The following THAP1 variants were observed in gnomAD, a reference collection of about 807,000 sequenced individuals.
THAP1 encodes the protein THAP domain-containing protein 1.
In THAP1, 6 loss-of-function variants were observed where a neutral mutation model predicts 18.2. The observed-to-expected ratio is 0.33, with a 90% CI of 0.18 to 0.65. The LOEUF (loss-of-function observed/expected upper bound fraction) is 0.65, where lower values mean the gene tolerates loss of function less well. Ranked by LOEUF, THAP1 falls within the 30% of genes least tolerant of loss-of-function variation. The pLI is 0.74. For missense variants in THAP1, 176 were observed against 253.0 expected (o/e 0.70, Z 2.06); for synonymous variants, 85 against 90.5 (o/e 0.94, Z 0.34).
At chr8:42,839,509 T>A (rs1802676955) in intron 1 of THAP1, 128 bp from the exon 2 acceptor site, 3 of 974,158 alleles carry the variant, frequency 3.1e-6, no homozygotes, top group South Asian at 1.6e-5. Flanking sequence ...TCCTATTGGA[T>A]TAAAGATTAG....
chr8:42,839,495 A>G, intron 1 of THAP1, 114 bp from the exon 2 acceptor site: 1 of 1,067,890 alleles, frequency 9.4e-7, no homozygotes, highest in Non-Finnish European at 1.4e-6. Context: ...TTACAATTGT[A>G]TTATCCTATT....
chr8:42,837,835 T>A lies in THAP1; in HGVS notation c.*127A>T, dbSNP rs369328057. ...TTTACAGTATATATAGAATTTTTTT[T>A]AAAAAAATATTCTGAACTGTTTTTA... is the stretch of plus-strand genomic sequence containing the variant. On this transcript the variant is annotated 3_prime_UTR_variant, in exon 3 of 3. Transcript: ENST00000254250. The A allele has an allele frequency of 1.3e-3, 1,390 of 1,058,268 alleles. 3 individuals are homozygous for A. Among genetic ancestry groups the A allele is most frequent in the Middle Eastern group, 3.2e-3 (10 of 3,164 alleles). The allele number at this position is 1,058,268 out of a possible 1,614,324, so 65.6% of individuals were successfully genotyped here.
Position 42,837,875 on chromosome 8 carries a change from T to A in THAP1, c.*87A>T. On this transcript the variant is annotated 3_prime_UTR_variant, in exon 3 of 3. Transcript: ENST00000254250. Reference sequence around the variant, plus strand: ...AACTGTTTTTATATAAGTAATCAAATGTTATTTTTTTAAATGAAACTCCTT... The same window carrying A: ...AACTGTTTTTATATAAGTAATCAAAAGTTATTTTTTTAAATGAAACTCCTT... The A allele has an allele frequency of 7.0e-7, 1 of 1,436,584 alleles. No homozygotes were observed. The highest frequency in any genetic ancestry group is 1.3e-5 in the South Asian group (1 of 76,956). The allele number at this position is 1,436,584 out of a possible 1,614,324, so 89.0% of individuals were successfully genotyped here.
intron 1 of THAP1, among the ~76,000 whole-genome samples, chr8:42,841,877 CTA>C (rs1201471591): frequency 1.3e-5 from 2 of 151,972 alleles, no homozygotes; most frequent in South Asian, 2.1e-4. Context: ...GGAGACCTCT[CTA>C]TGTTCTACAC....
intron 1 of THAP1, among the ~76,000 whole-genome samples, chr8:42,840,959 C>A (rs976234933): frequency 7.3e-6 from 1 of 137,824 alleles, no homozygotes; most frequent in Non-Finnish European, 1.5e-5. Flanking sequence ...GAGCAAGACT[C>A]CATCTCAAAA....
chr8:42,837,254 G>T lies in THAP1; in HGVS notation c.*708C>A, dbSNP rs1372781609. ...TGCCTTACTTTATTTATTGAAAAATGTTTCTTCCACTGAAAATACACTTCT... is the reference window on the plus strand; with the variant it reads ...TGCCTTACTTTATTTATTGAAAAATTTTTCTTCCACTGAAAATACACTTCT... On this transcript the variant is annotated 3_prime_UTR_variant, in exon 3 of 3. Coordinates refer to ENST00000254250, the MANE Select transcript of THAP1 (RefSeq NM_018105.3). 1.3e-5 allele frequency: 2 copies of T among 151,684 alleles called. No homozygotes were observed. Among genetic ancestry groups the T allele is most frequent in the East Asian group, 3.9e-4 (2 of 5,180 alleles). The allele number at this position is 151,684 out of a possible 1,614,324, so 9.4% of individuals were successfully genotyped here.
Position 42,843,322 on chromosome 8 carries a change from C to T in THAP1, c.-228G>A. On this transcript the variant is annotated 5_prime_UTR_variant, in exon 1 of 3. Coordinates refer to ENST00000254250, the MANE Select transcript of THAP1 (RefSeq NM_018105.3). ...CCCATCTCCAAGATGGCGGAGGCAG[C>T]TTCAACCTCACCTCTCGCGAGGGGT... The T allele has an allele frequency of 1.7e-6, 1 of 602,546 alleles. No individual in the cohort carries two copies. The highest frequency in any genetic ancestry group is 3.0e-6 in the Non-Finnish European group (1 of 330,374). The allele number at this position is 602,546 out of a possible 1,614,324, so 37.3% of individuals were successfully genotyped here.
At chr8:42,840,231 G>A (rs1426757902) in intron 1 of THAP1, among the ~76,000 whole-genome samples, 2 of 152,154 alleles carry the variant, frequency 1.3e-5, no homozygotes, top group East Asian at 3.8e-4. Flanking sequence ...TTTTTTACCA[G>A]TAATTTTCTG....
In THAP1 at chr8:42,837,695, A is replaced by C. The variant is rs1420861050; in HGVS notation, c.*267T>G. On this transcript the variant is annotated 3_prime_UTR_variant, in exon 3 of 3. Coordinates refer to ENST00000254250, the MANE Select transcript of THAP1 (RefSeq NM_018105.3). The stretch of plus-strand genomic sequence containing the variant: ...TCTATAAATACTAAAAAAAAACCCC[A>C]AAATCCCCAATCTTGAAACCAACTT... 2 of 235,286 alleles carry C rather than the reference A, an allele frequency of 8.5e-6. No individual in the cohort carries two copies. Among genetic ancestry groups the C allele is most frequent in the East Asian group, 1.8e-4 (2 of 11,122 alleles). 14.6% of individuals were successfully genotyped at this position (235,286 alleles called of 1,614,324 possible).
In THAP1 at chr8:42,837,357, T is replaced by G. The variant is rs1802632584; in HGVS notation, c.*605A>C. ...AAAAATCCACTCTTAGAATCTGAAG[T>G]TATTGATCAGATATGCAATGACTTT... On this transcript the variant is annotated 3_prime_UTR_variant, in exon 3 of 3. Coordinates refer to ENST00000254250, the MANE Select transcript of THAP1 (RefSeq NM_018105.3). 1 of 152,208 alleles carries G rather than the reference T, an allele frequency of 6.6e-6. No individual in the cohort carries two copies. Among genetic ancestry groups the G allele is most frequent in the Non-Finnish European group, 1.5e-5 (1 of 68,048 alleles). The allele number at this position is 152,208 out of a possible 1,614,324, so 9.4% of individuals were successfully genotyped here. A position where few individuals can be genotyped will look rare whatever the true frequency, so the allele number is the denominator to read the frequency against.
chr8:42,840,117 C>A (rs1350958926), intron 1 of THAP1, among the ~76,000 whole-genome samples: 1 of 152,086 alleles, frequency 6.6e-6, no homozygotes, highest in African/African-American at 2.4e-5. Context: ...ACTGCTCGAG[C>A]CTGGGAGGTC....
Position 42,843,176 on chromosome 8 carries a change from T to C in THAP1, c.-82A>G, listed in dbSNP as rs1265752992. ...CTCAGTGTCGCTGCGCTCGGTTGGA[T>C]TCCCTCGCTTCTTTTGTAGCTTTGG... On this transcript the variant is annotated 5_prime_UTR_variant, in exon 1 of 3. Coordinates refer to ENST00000254250, the MANE Select transcript of THAP1 (RefSeq NM_018105.3). The C allele has an allele frequency of 1.6e-5, 25 of 1,539,972 alleles. No individual in the cohort carries two copies. The South Asian group carries it at 2.8e-4, about 17-fold the overall frequency.
At position 42,836,994 on chromosome 8, in the gene THAP1, C is replaced by T. The variant is rs1391917689; in HGVS notation, c.*968G>A. 1 of 152,174 alleles carries T rather than the reference C, an allele frequency of 6.6e-6. No homozygotes were observed. The highest frequency in any genetic ancestry group is 1.5e-5 in the Non-Finnish European group (1 of 68,030). The allele number at this position is 152,174 out of a possible 1,614,324, so 9.4% of individuals were successfully genotyped here. On this transcript the variant is annotated 3_prime_UTR_variant, in exon 3 of 3. Coordinates refer to ENST00000254250, the MANE Select transcript of THAP1 (RefSeq NM_018105.3). ...TAACTAAATGGGATATAATTTCTAA[C>T]TTGTGTTAAAAGTGAAGAAATAATT...
chr8:42,840,640 T>G (rs370985372), intron 1 of THAP1, among the ~76,000 whole-genome samples: 1 of 152,196 alleles, frequency 6.6e-6, no homozygotes, highest in South Asian at 2.1e-4. Flanking sequence ...GCTGCCACTA[T>G]GTAGAGGGTG....
In THAP1 at chr8:42,837,908, T is replaced by C; in HGVS notation, c.*54A>G. 1 of 1,593,124 alleles carries C rather than the reference T, an allele frequency of 6.3e-7. No individual in the cohort carries two copies. Among genetic ancestry groups the C allele is most frequent in the Non-Finnish European group, 8.5e-7 (1 of 1,171,508 alleles). On this transcript the variant is annotated 3_prime_UTR_variant, in exon 3 of 3. Coordinates refer to ENST00000254250, the MANE Select transcript of THAP1 (RefSeq NM_018105.3). ...TTTTAAATGAAACTCCTTTACAGGC[T>C]AGAGGAGGATATGTGGTATTGCCCC...
chr8:42,840,691 C>A (rs1248205905), intron 1 of THAP1, among the ~76,000 whole-genome samples: 1 of 152,082 alleles, frequency 6.6e-6, no homozygotes, highest in East Asian at 1.9e-4. Flanking sequence ...TGGGGCTGGG[C>A]ATGGCCTGTA....
intron 1 of THAP1, among the ~76,000 whole-genome samples, chr8:42,842,153 C>T (rs1802730531): frequency 6.6e-6 from 1 of 152,138 alleles, no homozygotes; most frequent in African/African-American, 2.4e-5. Flanking sequence ...GCAAAGAAAA[C>T]TTAACATAAA....
intron 1 of THAP1, among the ~76,000 whole-genome samples, chr8:42,841,592 A>G (rs1221098614): frequency 6.6e-6 from 1 of 152,060 alleles, no homozygotes; most frequent in African/African-American, 2.4e-5. Flanking sequence ...GCCTCGACAA[A>G]AACAGTTATT....
intron 1 of THAP1, chr8:42,842,616 G>A (rs749609444): frequency 6.6e-5 from 10 of 152,584 alleles, no homozygotes; most frequent in African/African-American, 1.9e-4. Flanking sequence ...CCACGGCAAG[G>A]GCGAAAAGTA....
Sources: allele counts gnomAD v4.1 joint callset (sites outside exome capture counted in the v4.1 genomes callset), GRCh38; gene constraint gnomAD v4.1.1; transcripts MANE v1.5; gene names NCBI Gene and HGNC (gene_info 2026-07-23, HGNC 2026-07-21).